Variants in RMDN2 observed in about 807,000 individuals in gnomAD.
RMDN2 encodes the protein regulator of microtubule dynamics protein 2.
RMDN2 carries 61 observed loss-of-function variants against 52.8 expected under a neutral mutation model. That is an observed-to-expected ratio of 1.16 (90% CI 0.94 to 1.43). The LOEUF (loss-of-function observed/expected upper bound fraction) is 1.43, where lower values mean the gene tolerates loss of function less well. Ranked by LOEUF, RMDN2 falls within the 40% of genes most tolerant of loss-of-function variation. RMDN2 has a pLI of 0.00. For synonymous variants in RMDN2, 180 were observed against 153.1 expected (o/e 1.18, Z -1.30); for missense variants, 592 against 475.3 (o/e 1.25, Z -2.28).
intron 10 of RMDN2, among the ~76,000 whole-genome samples, chr2:38,039,537 C>T (rs1195091951): frequency 6.6e-6 from 1 of 152,230 alleles, no homozygotes; most frequent in Non-Finnish European, 1.5e-5. Flanking sequence ...CATTCACCCT[C>T]GCCCTGATTT....
At position 37,959,190 on chromosome 2, in the gene RMDN2, T is replaced by G. The variant is rs886940410; in HGVS notation, c.453-14850T>G. Among the ~76,000 whole-genome samples, 9 of 151,112 alleles carry G rather than the reference T, an allele frequency of 6.0e-5. 1 individual carries two copies. The highest frequency in any genetic ancestry group is 1.2e-4 in the African/African-American group (5 of 40,380). ...ATAAAATGAGTTAGGGAGAAGTCCCTCTTTTTCTGTTGTTTGGAATAGCTT... is the reference window on the plus strand; with the variant it reads ...ATAAAATGAGTTAGGGAGAAGTCCCGCTTTTTCTGTTGTTTGGAATAGCTT... On this transcript the variant is annotated intron_variant, in intron 2 of 10. Coordinates refer to ENST00000354545, the MANE Select transcript of RMDN2 (RefSeq NM_001170791.3).
intron 8 of RMDN2, among the ~76,000 whole-genome samples, chr2:38,001,282 A>G (rs950030707): frequency 6.6e-6 from 1 of 152,258 alleles, no homozygotes; most frequent in African/African-American, 2.4e-5. Context: ...TGGATAGCCA[A>G]GACAAATTAA....
chr2:37,998,125 A>C (rs1182059806), intron 8 of RMDN2: 1 of 152,204 alleles, frequency 6.6e-6, no homozygotes, highest in Non-Finnish European at 1.5e-5. Flanking sequence ...CATATAATCA[A>C]CTTCCTGTGG....
intron 2 of RMDN2, among the ~76,000 whole-genome samples, chr2:37,957,012 T>A (rs1669568427): frequency 6.6e-6 from 1 of 152,336 alleles, no homozygotes; most frequent in African/African-American, 2.4e-5. Context: ...TGCATAGTAT[T>A]CCATGGTGTC....
chr2:38,041,506 T>C (rs367776564), intron 10 of RMDN2, among the ~76,000 whole-genome samples: 1 of 140,082 alleles, frequency 7.1e-6, no homozygotes, highest in Non-Finnish European at 1.5e-5. Flanking sequence ...AGAGGAGACA[T>C]ATATACTTTG....
At chr2:37,967,412 C>G (rs1043971226) in intron 2 of RMDN2, among the ~76,000 whole-genome samples, 4 of 152,114 alleles carry the variant, frequency 2.6e-5, no homozygotes, top group African/African-American at 9.7e-5. Flanking sequence ...TATGGCCTTA[C>G]CAGTCCAATC....
chr2:38,014,230 G>A (rs1363820016), intron 10 of RMDN2, among the ~76,000 whole-genome samples: 1 of 152,012 alleles, frequency 6.6e-6, no homozygotes, highest in East Asian at 1.9e-4. Context: ...AAATTAATAA[G>A]GCTATTACAG....
intron 7 of RMDN2, among the ~76,000 whole-genome samples, chr2:37,993,075 C>T (rs1425043940): frequency 2.6e-5 from 4 of 151,992 alleles, no homozygotes; most frequent in East Asian, 1.9e-4. Flanking sequence ...CCACCACGCT[C>T]GGGTATTTTT....
intron 5 of RMDN2, among the ~76,000 whole-genome samples, chr2:37,988,535 C>T (rs538728527): frequency 8.5e-5 from 13 of 152,196 alleles, no homozygotes; most frequent in Non-Finnish European, 1.0e-4. Flanking sequence ...ATTAAGTTAT[C>T]GTTTGTGTCT....
At chr2:37,991,120 A>G (rs1402895058) in intron 6 of RMDN2, 100 bp from the exon 7 acceptor site, 6 of 512,372 alleles carry the variant, frequency 1.2e-5, no homozygotes, top group Non-Finnish European at 1.8e-5. Context: ...GAACTGAGAC[A>G]ATATTTTAAA....
At chr2:38,053,804 C>A (rs184659669) in intron 10 of RMDN2, among the ~76,000 whole-genome samples, 127 of 152,212 alleles carry the variant, frequency 8.3e-4, no homozygotes, top group African/African-American at 2.9e-3. Context: ...AGGATCCTAC[C>A]CTAGAGATTC....
At chr2:37,951,914 T>C (rs77881371) in intron 2 of RMDN2, 2 of 1,613,248 alleles carry the variant, frequency 1.2e-6, no homozygotes, top group African/African-American at 1.3e-5. Context: ...GAATTGCCAA[T>C]GATATTCAAC....
intron 5 of RMDN2, among the ~76,000 whole-genome samples, chr2:37,987,440 A>G (rs1247182638): frequency 6.6e-6 from 1 of 152,206 alleles, no homozygotes; most frequent in East Asian, 1.9e-4. Context: ...GGCAATCTGA[A>G]AAGGCAATAT....
At chr2:37,932,664 C>A (rs968571061) in intron 2 of RMDN2, among the ~76,000 whole-genome samples, 5 of 150,140 alleles carry the variant, frequency 3.3e-5, no homozygotes, top group Non-Finnish European at 5.9e-5. Flanking sequence ...CCTCACCTCA[C>A]GGGGCGGCTG....
chr2:37,964,012 C>T (rs7590771), intron 2 of RMDN2, among the ~76,000 whole-genome samples: 5,612 of 148,320 alleles, frequency 0.038, 330 homozygotes, highest in African/African-American at 0.13. Context: ...CCCTCCCGGA[C>T]GGGGCGGCTG....
rs1678966561 is a variant in RMDN2, at chr2:38,017,506, A to G, written c.*267A>G. On this transcript the variant is annotated 3_prime_UTR_variant, in exon 11 of 11. Coordinates refer to ENST00000354545, the MANE Select transcript of RMDN2 (RefSeq NM_001170791.3). The stretch of plus-strand genomic sequence containing the variant: ...CTTATCAATAAACTGCAGCCTTAAG[A>G]ATATTTCTTTAAATAAAATATTTAA... 1.4e-5 allele frequency: 16 copies of G among 1,106,282 alleles called. No individual in the cohort carries two copies. The highest frequency in any genetic ancestry group is 1.8e-5 in the Non-Finnish European group (15 of 832,420). The allele number at this position is 1,106,282 out of a possible 1,614,324, so 68.5% of individuals were successfully genotyped here.
At chr2:37,924,866 G>A (rs957077797), upstream of RMDN2, among the ~76,000 whole-genome samples, 1 of 152,250 alleles carries the variant, frequency 6.6e-6, no homozygotes, top group East Asian at 1.9e-4. Flanking sequence ...CGGGGCTGCA[G>A]ATATCAGTAA....
intron 2 of RMDN2, among the ~76,000 whole-genome samples, chr2:37,965,438 G>C (rs1307154583): frequency 1.3e-5 from 2 of 150,216 alleles, no homozygotes; most frequent in Non-Finnish European, 3.0e-5. Context: ...GCATCCTAAA[G>C]TTATAACAAC....
chr2:37,952,256 A>G (rs775973568), intron 2 of RMDN2: 2 of 1,534,976 alleles, frequency 1.3e-6, no homozygotes, highest in Non-Finnish European at 1.8e-6. Context: ...TTTTCCCACC[A>G]GTCACTTTCA....
Sources: gnomAD v4.1 joint callset for allele counts (sites outside exome capture counted in the v4.1 genomes callset) on GRCh38, gnomAD v4.1.1 for gene constraint, MANE v1.5 for transcripts, NCBI Gene and HGNC (gene_info 2026-07-23, HGNC 2026-07-21) for gene names.